Variants in GLIS3 observed in about 807,000 individuals in gnomAD.
GLIS3 encodes zinc finger protein GLIS3.
In GLIS3, 53 loss-of-function variants were observed where a neutral mutation model predicts 78.6. The ratio of observed to expected loss-of-function variants is 0.67; its 90% CI spans 0.54 to 0.85. The LOEUF (loss-of-function observed/expected upper bound fraction) is 0.85, where lower values mean the gene tolerates loss of function less well. Ranked by LOEUF, GLIS3 falls within the 40% of genes least tolerant of loss-of-function variation. The probability of loss-of-function intolerance (pLI) is 0.00; values close to 1 mark genes in which losing one functional copy is unlikely to be tolerated. For missense variants in GLIS3, 1,703 were observed against 1,231.1 expected, an observed-to-expected ratio of 1.38 and a Z score of -5.74; for synonymous variants, 684 against 509.9, an observed-to-expected ratio of 1.34 and a Z score of -4.60.
At chr9:3,954,493 G>GAA (rs1310945714) in intron 4 of GLIS3, among the ~76,000 whole-genome samples, 4 of 152,210 alleles carry the variant, frequency 2.6e-5, no homozygotes, top group Non-Finnish European at 2.9e-5. Context: ...AACAGTTGGA[G>GAA]AAAACAAGGC....
chr9:4,327,510 G>A (rs1353433494), intron 2 of GLIS3, among the ~76,000 whole-genome samples: 2 of 152,178 alleles, frequency 1.3e-5, no homozygotes, highest in African/African-American at 2.4e-5. Context: ...ACAGATTCAA[G>A]TGGGATTTAG....
chr9:3,827,245 C>G lies in GLIS3; in HGVS notation c.*1027G>C, dbSNP rs1049818488. On this transcript the variant is annotated 3_prime_UTR_variant, in exon 11 of 11. Transcript: ENST00000381971. ...TTAGTAAAATCTGAGCACTGGAAGT[C>G]AAGTATCACTAGGTTTGGTTTTCCA... The G allele has an allele frequency of 3.3e-5, 5 of 152,178 alleles. No homozygotes were observed. The highest frequency in any genetic ancestry group is 1.2e-4 in the African/African-American group (5 of 41,438). 9.4% of individuals were successfully genotyped at this position (152,178 alleles called of 1,614,324 possible).
At chr9:4,269,355 AAAAC>A (rs150380827) in intron 2 of GLIS3, among the ~76,000 whole-genome samples, 2,567 of 152,310 alleles carry the variant, frequency 0.017, 72 homozygotes, top group African/African-American at 0.059. Flanking sequence ...ATCTGCGCTT[AAAAC>A]CTATGTCCAC....
chr9:4,413,082 A>T, the GLIS3 span, among the ~76,000 whole-genome samples: 1 of 152,248 alleles, frequency 6.6e-6, no homozygotes, highest in Non-Finnish European at 1.5e-5. Flanking sequence ...AACAAATACA[A>T]CATGCTCAAT....
chr9:4,053,764 G>A (rs1270498378), intron 4 of GLIS3, among the ~76,000 whole-genome samples: 1 of 145,032 alleles, frequency 6.9e-6, no homozygotes, highest in African/African-American at 2.5e-5. Flanking sequence ...TGAAGAGAAA[G>A]GAATATGGCC....
the GLIS3 span, among the ~76,000 whole-genome samples, chr9:4,447,618 A>G: frequency 1.3e-5 from 2 of 152,310 alleles, no homozygotes; most frequent in African/African-American, 4.8e-5. Context: ...GTGACCACTA[A>G]TCTCCCTTCC....
chr9:4,482,816 T>C, the GLIS3 span, among the ~76,000 whole-genome samples: 1 of 152,062 alleles, frequency 6.6e-6, no homozygotes, highest in Admixed American at 6.6e-5. Context: ...ACAAAGGAAA[T>C]ACCAGAATCA....
intron 2 of GLIS3, among the ~76,000 whole-genome samples, chr9:4,239,244 C>G (rs1211145462): frequency 1.3e-5 from 2 of 150,572 alleles, no homozygotes; most frequent in Admixed American, 6.6e-5. Flanking sequence ...GTGCAGCACA[C>G]CAACATGGCA....
chr9:4,263,001 T>C (rs1825666202), intron 2 of GLIS3, among the ~76,000 whole-genome samples: 1 of 151,404 alleles, frequency 6.6e-6, no homozygotes, highest in Non-Finnish European at 1.5e-5. Context: ...CCAGGGTGCC[T>C]TCAGAGAATA....
At chr9:4,488,556 G>T in the GLIS3 span, among the ~76,000 whole-genome samples, 3 of 151,810 alleles carry the variant, frequency 2.0e-5, no homozygotes, top group African/African-American at 7.3e-5. Flanking sequence ...TTTCCCTCCG[G>T]TCGCCCAGGC....
intron 2 of GLIS3, among the ~76,000 whole-genome samples, chr9:4,246,652 G>A (rs1364268396): frequency 2.0e-5 from 3 of 152,138 alleles, no homozygotes; most frequent in East Asian, 1.9e-4. Context: ...ACTGACTCAA[G>A]GCAGCTACCT....
chr9:4,330,976 G>T (rs1265861091), intron 2 of GLIS3, among the ~76,000 whole-genome samples: 1 of 152,188 alleles, frequency 6.6e-6, no homozygotes, highest in Admixed American at 6.5e-5. Flanking sequence ...ACCCTTTACT[G>T]GCAGCTACAT....
intron 4 of GLIS3, among the ~76,000 whole-genome samples, chr9:3,995,555 A>C (rs954951668): frequency 6.6e-6 from 1 of 152,104 alleles, no homozygotes; most frequent in Non-Finnish European, 1.5e-5. Flanking sequence ...AAATTTTTTT[A>C]AAAAAGAAAA....
chr9:4,463,946 C>A, the GLIS3 span, among the ~76,000 whole-genome samples: 1 of 151,940 alleles, frequency 6.6e-6, no homozygotes, highest in Non-Finnish European at 1.5e-5. Context: ...GGAGGAAATA[C>A]AAAAATACTT....
At chr9:4,450,177 C>T in the GLIS3 span, among the ~76,000 whole-genome samples, 5 of 152,024 alleles carry the variant, frequency 3.3e-5, no homozygotes, top group African/African-American at 4.8e-5. Flanking sequence ...CTGAAAATCA[C>T]GACACGAGAA....
intron 7 of GLIS3, among the ~76,000 whole-genome samples, chr9:3,883,875 C>T (rs184233515): frequency 6.6e-6 from 1 of 152,194 alleles, no homozygotes; most frequent in Non-Finnish European, 1.5e-5. Flanking sequence ...GAAATAAAAT[C>T]CTGTTCTTGA....
At chr9:3,860,683 G>A (rs1820156137) in intron 8 of GLIS3, among the ~76,000 whole-genome samples, 1 of 152,178 alleles carries the variant, frequency 6.6e-6, no homozygotes, top group Non-Finnish European at 1.5e-5. Flanking sequence ...GGGTCTGTCT[G>A]TTACTAGCTG....
At chr9:4,353,540 G>A in the GLIS3 span, among the ~76,000 whole-genome samples, 30 of 152,238 alleles carry the variant, frequency 2.0e-4, no homozygotes, top group African/African-American at 4.8e-4. Flanking sequence ...ACTGGCATGT[G>A]TACTTGTGTG....
intron 4 of GLIS3, among the ~76,000 whole-genome samples, chr9:4,077,787 G>A (rs1458267652): frequency 1.3e-5 from 2 of 152,174 alleles, no homozygotes; most frequent in Non-Finnish European, 2.9e-5. Flanking sequence ...GGCAGCAGCA[G>A]TGGATTCCAG....
Sources: allele counts gnomAD v4.1 joint callset (sites outside exome capture counted in the v4.1 genomes callset), GRCh38; gene constraint gnomAD v4.1.1; transcripts MANE v1.5; gene names NCBI Gene and HGNC (gene_info 2026-07-23, HGNC 2026-07-21).